The following DDX24 variants were observed in gnomAD, a reference collection of about 807,000 sequenced individuals.
DDX24 encodes ATP-dependent RNA helicase DDX24.
In DDX24, 24 loss-of-function variants were observed where a neutral mutation model predicts 68.9. The ratio of observed to expected loss-of-function variants is 0.35; its 90% confidence interval spans 0.25 to 0.49. The LOEUF is 0.49. DDX24 is among the 20% of genes least tolerant of loss of function. DDX24 has a pLI of 0.99. For missense variants in DDX24, 989 were observed against 1,039.0 expected, an observed-to-expected ratio of 0.95 and a Z score of 0.66; for synonymous variants, 395 against 385.2, an observed-to-expected ratio of 1.03 and a Z score of -0.30.
At position 94,060,331 on chromosome 14, in the gene DDX24, C is replaced by T. The variant is rs767350697; in HGVS notation, c.1680G>A (p.Val560=). 5.6e-6 allele frequency: 9 copies of T among 1,614,102 alleles called. No homozygotes were observed. Among genetic ancestry groups the T allele is most frequent in the South Asian group, 2.2e-5 (2 of 91,082 alleles). The stretch of plus-strand genomic sequence containing the variant: ...GGATCTTGGTCTCTGTTAGCGTCTC[C>T]ACCGTGGCCTCATTCCTTGTGAGGT... ...VIDLTRNEAT[V]ETLTETKIHC... Residue 560 remains valine (V), a synonymous_variant, in exon 5 of 9, where the codon GTG becomes GTA. Coordinates refer to ENST00000621632, the MANE Select transcript of DDX24 (RefSeq NM_020414.4).
rs1181499000 is a variant in DDX24 at position 94,079,566 on chromosome 14, G to A, written c.177C>T (p.Val59=). 1.2e-6 allele frequency: 2 copies of A among 1,614,032 alleles called. No homozygotes were observed. Among genetic ancestry groups the A allele is most frequent in the Non-Finnish European group, 1.7e-6 (2 of 1,180,042 alleles). Residue 59 remains valine (V), a synonymous_variant, in exon 2 of 9, where the codon GTC becomes GTT. Coordinates refer to ENST00000621632, the MANE Select transcript of DDX24 (RefSeq NM_020414.4). ...CFEELTDYQL[V]SPAKNPSSLF... is the part of the protein sequence containing the mutation. ...GACTGGAGGGATTCTTGGCAGGGGA[G>A]ACCAACTGGTAATCTGTCAATTCCT...
chr14:94,054,496 A>C (rs1885454633), intron 7 of DDX24, among the ~76,000 whole-genome samples: 1 of 152,120 alleles, frequency 6.6e-6, no homozygotes, highest in Non-Finnish European at 1.5e-5. Context: ...AACTTTATTC[A>C]CAGCTGGCAA....
At chr14:94,073,450 A>G (rs1165383326) in intron 2 of DDX24, among the ~76,000 whole-genome samples, 1 of 152,186 alleles carries the variant, frequency 6.6e-6, no homozygotes, top group Non-Finnish European at 1.5e-5. Context: ...TATGCTGCCT[A>G]TAAGAAATTC....
At chr14:94,071,709 G>A (rs1885834412) in intron 2 of DDX24, among the ~76,000 whole-genome samples, 1 of 152,124 alleles carries the variant, frequency 6.6e-6, no homozygotes, top group Admixed American at 6.5e-5. Flanking sequence ...ACTTTGGGAG[G>A]CCGAGATGGG....
At position 94,062,296 on chromosome 14, in the gene DDX24, T is replaced by C. The variant is rs767723457; in HGVS notation, c.1044A>G (p.Lys348=). The part of the protein sequence containing the change: ...GEGPSSLIRE[K]PVPKQNENEE... ...CATTCTCATTCTGTTTGGGAACAGG[T>C]TTCTCCCTGATCAGGGAAGAAGGCC... is the stretch of plus-strand genomic sequence containing the variant. Residue 348 remains lysine (K), a synonymous_variant, in exon 3 of 9, where the codon AAA becomes AAG. Transcript: ENST00000621632. 9 of 1,614,200 alleles carry C rather than the reference T, an allele frequency of 5.6e-6. No homozygotes were observed. Among genetic ancestry groups the C allele is most frequent in the Non-Finnish European group, 7.6e-6 (9 of 1,180,036 alleles).
chr14:94,060,758 C>T, intron 4 of DDX24, 145 bp from the exon 5 acceptor site: 1 of 1,450,830 alleles, frequency 6.9e-7, no homozygotes, highest in Non-Finnish European at 9.3e-7. Context: ...CTCAACTAAT[C>T]TCCCTCATGC....
At chr14:94,080,274 G>C (rs1886042852) in intron 1 of DDX24, among the ~76,000 whole-genome samples, 1 of 152,192 alleles carries the variant, frequency 6.6e-6, no homozygotes. Flanking sequence ...GCCTGAGAGA[G>C]CAAATGCCTG....
chr14:94,076,443 G>T (rs1004595170), intron 2 of DDX24, among the ~76,000 whole-genome samples: 1 of 152,120 alleles, frequency 6.6e-6, no homozygotes, highest in Non-Finnish European at 1.5e-5. Flanking sequence ...AGCACTTTGG[G>T]AGGCCGAAGC....
chr14:94,079,478 C>T lies in DDX24; in HGVS notation c.265G>A (p.Glu89Lys). ...QAVSEEEEEEEGKSSSPKKKI... is the reference protein window; with the variant it reads ...QAVSEEEEEEKGKSSSPKKKI... ...TTCTTTGGTGAGCTAGACTTTCCCT[C>T]CTCCTCCTCCTCTTCTTCTGAAACA... Residue 89 changes from glutamate to lysine, a missense_variant, in exon 2 of 9, where the codon GAG (glutamate) becomes AAG (lysine). Physicochemically the swap from Glu to Lys is moderately conservative, Grantham distance 56. Transcript: ENST00000621632. The T allele has an allele frequency of 1.2e-6, 2 of 1,614,038 alleles. No individual in the cohort carries two copies. The highest frequency in any genetic ancestry group is 1.7e-6 in the Non-Finnish European group (2 of 1,180,030).
intron 2 of DDX24, among the ~76,000 whole-genome samples, chr14:94,064,114 A>G (rs1204870980): frequency 1.3e-5 from 2 of 152,242 alleles, no homozygotes; most frequent in Admixed American, 6.5e-5. Flanking sequence ...AGGGTAAACT[A>G]TAATAAAAGA....
Position 94,062,382 on chromosome 14 carries a change from T to C in DDX24, c.958A>G (p.Lys320Glu). The change falls in exon 3 of 9, where the codon AAG becomes GAG. Residue 320 changes from lysine (K) to glutamate (E), a missense_variant. This residue lies in a region of DDX24 where 691 missense variants were observed against 760.0 expected (regional missense o/e 0.91). Transcript: ENST00000621632. ...PSDIAAEARA[K>E]TGGTVSDQAL... ...TGGTCTGAGACAGTGCCTCCAGTCT[T>C]GGCTCTGGCCTCGGCTGCAATATCA... 6.2e-7 allele frequency: 1 copy of C among 1,614,210 alleles called. No individual in the cohort carries two copies.
At position 94,049,194 on chromosome 14, in the gene DDX24, T is replaced by A. The variant is rs1191973120; in HGVS notation, c.*1997A>T. ...GGAAAAGAATTTGCTGTTAGATGGC[T>A]AGGGCAGGACACGGACAGTCATCAG... is the stretch of plus-strand genomic sequence containing the variant. On this transcript the variant is annotated 3_prime_UTR_variant, in exon 9 of 9. Transcript: ENST00000621632. The A allele has an allele frequency of 2.6e-5, 4 of 152,284 alleles. No individual in the cohort carries two copies. Among genetic ancestry groups the A allele is most frequent in the Non-Finnish European group, 5.9e-5 (4 of 68,084 alleles). 9.4% of individuals were successfully genotyped at this position (152,284 alleles called of 1,614,324 possible).
rs369246793 is a variant in DDX24, at chr14:94,055,173, G to A, written c.2001C>T (p.Thr667=). Residue 667 remains threonine (T), a synonymous_variant, in exon 7 of 9, where the codon ACC becomes ACT. Coordinates refer to ENST00000621632, the MANE Select transcript of DDX24 (RefSeq NM_020414.4). ...QHVIHYQVPR[T]SEIYVHRSGR... ...CACTTCGGTGGACATAAATCTCCGAGGTACGTGGGACCTGCCACAGGAAGA... is the reference window on the plus strand; with the variant it reads ...CACTTCGGTGGACATAAATCTCCGAAGTACGTGGGACCTGCCACAGGAAGA... 6.2e-6 allele frequency: 10 copies of A among 1,612,982 alleles called. No individual in the cohort carries two copies. In the Admixed American group the frequency reaches 1.2e-4, roughly 19 times the overall value.
rs572263949 is a variant in DDX24, at chr14:94,061,670, CT to C, written c.1243+426del. Among the ~76,000 whole-genome samples, 342 of 152,282 alleles carry C rather than the reference CT, an allele frequency of 2.2e-3. 2 individuals are homozygous for C. The highest frequency in any genetic ancestry group is 7.7e-3 in the African/African-American group (320 of 41,548). ...ATAGCTTAGAGCAGGGATCAGCCAA[CT>C]TTTTCTGAAAGGGTCACTAGTGAAC... On this transcript the variant is annotated intron_variant, in intron 3 of 8. Transcript: ENST00000621632.
In DDX24 at chr14:94,060,226, G is replaced by C; in HGVS notation, c.1785C>G (p.Asn595Lys). 1.2e-6 allele frequency: 2 copies of C among 1,614,206 alleles called. No homozygotes were observed. Among genetic ancestry groups the C allele is most frequent in the East Asian group, 2.2e-5 (1 of 44,870 alleles). The change falls in exon 5 of 9, where the codon AAC becomes AAG. Residue 595 changes from asparagine (N) to lysine (K), a missense_variant. Physicochemically the swap from Asn to Lys is moderately conservative, Grantham distance 94. Around this residue, in one of 3 missense-constraint regions of DDX24, gnomAD observed 691 missense variants for 760.0 expected, o/e 0.91. Coordinates refer to ENST00000621632, the MANE Select transcript of DDX24 (RefSeq NM_020414.4). Reference sequence around the variant, plus strand: ...AGAGGCGTTTGATGCAGGAGATACTGTTGGCAAACACTAAGCTGCGGCCTG... The same window carrying C: ...AGAGGCGTTTGATGCAGGAGATACTCTTGGCAAACACTAAGCTGCGGCCTG... ...QYPGRSLVFA[N>K]SISCIKRLSG...
At chr14:94,074,559 G>T (rs992395707) in intron 2 of DDX24, among the ~76,000 whole-genome samples, 13 of 152,268 alleles carry the variant, frequency 8.5e-5, no homozygotes, top group African/African-American at 3.1e-4. Flanking sequence ...AAATCAAAGA[G>T]AACTTCCACA....
In DDX24 at chr14:94,048,530, G is replaced by A. The variant is rs1885323986; in HGVS notation, c.*2661C>T. On this transcript the variant is annotated 3_prime_UTR_variant, in exon 9 of 9. Coordinates refer to ENST00000621632, the MANE Select transcript of DDX24 (RefSeq NM_020414.4). ...GCCCCAATTCCCAAGTTTGTGAAATGGCAACAATACCTATGTGTCACTGGA... is the reference window on the plus strand; with the variant it reads ...GCCCCAATTCCCAAGTTTGTGAAATAGCAACAATACCTATGTGTCACTGGA... 6.6e-6 allele frequency: 1 copy of A among 152,204 alleles called. No individual in the cohort carries two copies. Among genetic ancestry groups the A allele is most frequent in the African/African-American group, 2.4e-5 (1 of 41,442 alleles). 9.4% of individuals were successfully genotyped at this position (152,204 alleles called of 1,614,324 possible).
intron 5 of DDX24, 102 bp downstream of exon 5, chr14:94,059,996 C>T (rs1228190048): frequency 1.4e-6 from 2 of 1,409,448 alleles, no homozygotes; most frequent in East Asian, 4.6e-5. Flanking sequence ...GACAAGGCCC[C>T]TATGACAGAA....
chr14:94,076,730 A>G (rs955301504), intron 2 of DDX24, among the ~76,000 whole-genome samples: 1 of 150,256 alleles, frequency 6.7e-6, no homozygotes, highest in Non-Finnish European at 1.5e-5. Flanking sequence ...ATCTATAGTG[A>G]TAGAAAGCCT....
Sources: allele counts gnomAD v4.1 joint callset (sites outside exome capture counted in the v4.1 genomes callset), GRCh38; gene constraint gnomAD v4.1.1; regional missense constraint gnomAD v4.1.1; transcripts MANE v1.5; gene names NCBI Gene and HGNC (gene_info 2026-07-23, HGNC 2026-07-21).